Variants in CCNJL observed in about 807,000 individuals in gnomAD.
CCNJL encodes cyclin-J-like protein.
A neutral mutation model predicts 33.4 loss-of-function variants in CCNJL; 33 were observed. That is an observed-to-expected ratio of 0.99 (90% CI 0.75 to 1.32). The LOEUF is 1.32. Among genes scored for constraint, CCNJL ranks in the 40% most tolerant of loss-of-function variants. CCNJL has a pLI of 0.00. For missense variants in CCNJL, 512 were observed against 499.7 expected (o/e 1.02, Z -0.23); for synonymous variants, 227 against 220.9 (o/e 1.03, Z -0.24).
In CCNJL at chr5:160,304,184, G is replaced by T. The variant is rs12658716; in HGVS notation, c.66+7674C>A. On this transcript the variant is annotated intron_variant, in intron 2 of 5. Transcript: ENST00000257536. ...CTTGACTGGGTATCGTGCACACACT[G>T]AGCATTTTGGTATTCTAAGACCTAA... Among the ~76,000 whole-genome samples the T allele has an allele frequency of 5.3e-5, 8 of 152,258 alleles. No individual in the cohort carries two copies. The South Asian group carries it at 1.7e-3, about 32-fold the overall frequency.
chr5:160,275,909 C>A (rs1262992233), intron 3 of CCNJL, among the ~76,000 whole-genome samples: 2 of 152,164 alleles, frequency 1.3e-5, no homozygotes, highest in Non-Finnish European at 2.9e-5. Flanking sequence ...AAAATTACCA[C>A]ATGACCCATA....
intron 1 of CCNJL, among the ~76,000 whole-genome samples, chr5:160,331,707 G>T (rs773756930): frequency 2.6e-5 from 4 of 152,174 alleles, no homozygotes; most frequent in Non-Finnish European, 4.4e-5. Context: ...ACAGCTGCCT[G>T]TTCTGCACCA....
At chr5:160,323,949 G>A (rs1016512493) in intron 1 of CCNJL, among the ~76,000 whole-genome samples, 1 of 152,160 alleles carries the variant, frequency 6.6e-6, no homozygotes, top group South Asian at 2.1e-4. Flanking sequence ...GCATTCCGAC[G>A]GGGACTATCC....
chr5:160,266,969 C>T (rs769938387), intron 3 of CCNJL, among the ~76,000 whole-genome samples: 12 of 152,152 alleles, frequency 7.9e-5, no homozygotes, highest in Non-Finnish European at 1.6e-4. Flanking sequence ...GTGAGTGTTG[C>T]GTCCAAGGCC....
chr5:160,276,089 T>C (rs1466188721), intron 3 of CCNJL, among the ~76,000 whole-genome samples: 2 of 152,114 alleles, frequency 1.3e-5, no homozygotes, highest in African/African-American at 4.8e-5. Context: ...AATGGAATAT[T>C]ATTCAGTCAT....
At position 160,306,270 on chromosome 5, in the gene CCNJL, CAAA is replaced by C. The variant is rs35956418; in HGVS notation, c.66+5585_66+5587del. On this transcript the variant is annotated intron_variant, in intron 2 of 5. Coordinates refer to ENST00000257536, the MANE Select transcript of CCNJL (RefSeq NM_001308173.3). Reference sequence around the variant, plus strand: ...TGGGTGACAGAGCAAGACTCCGTCTCAAAAAAAAAAAAAAAAAAAAAAGCGGTC... The same window carrying C: ...TGGGTGACAGAGCAAGACTCCGTCTCAAAAAAAAAAAAAAAAAAAGCGGTC... 4.3e-3 allele frequency among the ~76,000 whole-genome samples: 296 copies of C among 68,882 alleles called. 2 individuals carry two copies. The highest frequency in any genetic ancestry group is 0.012 in the African/African-American group (245 of 20,310). The allele number at this position is 68,882 out of a possible 152,430, so 45.2% of individuals were successfully genotyped here.
rs562438497 is a variant in CCNJL at position 160,305,147 on chromosome 5, A to G, written c.66+6711T>C. 1.9e-3 allele frequency among the ~76,000 whole-genome samples: 294 copies of G among 152,228 alleles called. 3 individuals are homozygous for G. Among genetic ancestry groups the G allele is most frequent in the African/African-American group, 6.6e-3 (276 of 41,524 alleles). On this transcript the variant is annotated intron_variant, in intron 2 of 5. Coordinates refer to ENST00000257536, the MANE Select transcript of CCNJL (RefSeq NM_001308173.3). Reference sequence around the variant, plus strand: ...GATTTCTATAAGGAGACAGGTGTTCAGCCTTGAAGTGGGGAAATTTGAGGA... The same window carrying G: ...GATTTCTATAAGGAGACAGGTGTTCGGCCTTGAAGTGGGGAAATTTGAGGA...
intron 3 of CCNJL, among the ~76,000 whole-genome samples, chr5:160,266,942 G>A (rs372480874): frequency 2.0e-5 from 3 of 152,108 alleles, no homozygotes; most frequent in Admixed American, 6.5e-5. Flanking sequence ...CTCACAGTCC[G>A]GGAGGAAGAA....
chr5:160,257,063 TTCAG>T lies in CCNJL; in HGVS notation c.584-1359_584-1356del, dbSNP rs1761096822. Among the ~76,000 whole-genome samples the T allele has an allele frequency of 3.9e-5, 6 of 152,088 alleles. No individual in the cohort carries two copies. The South Asian group carries it at 8.3e-4, about 21-fold the overall frequency. Reference sequence around the variant, plus strand: ...GCTAACAGGGTGATACAAACGATCATTCAGTCAGACTCCCAAGGTTCAAATCCTA... The same window carrying T: ...GCTAACAGGGTGATACAAACGATCATTCAGACTCCCAAGGTTCAAATCCTA... On this transcript the variant is annotated intron_variant, in intron 4 of 5. Coordinates refer to ENST00000257536, the MANE Select transcript of CCNJL (RefSeq NM_001308173.3).
rs149680714 is a variant in CCNJL at position 160,333,089 on chromosome 5, G to C, written n.206+6356C>G. On this transcript the variant is annotated intron_variant and non_coding_transcript_variant, in intron 1 of 7. Transcript: ENST00000377503. Reference sequence around the variant, plus strand: ...TGCTTGAGCTCAGGAGTTTGAGACTGGCCTGGCCAACATATGACTACCCAG... The same window carrying C: ...TGCTTGAGCTCAGGAGTTTGAGACTCGCCTGGCCAACATATGACTACCCAG... Among the ~76,000 whole-genome samples the C allele has an allele frequency of 3.8e-4, 58 of 151,956 alleles. No individual in the cohort carries two copies. In the East Asian group the frequency reaches 0.011, roughly 28 times the overall value.
intron 3 of CCNJL, among the ~76,000 whole-genome samples, chr5:160,272,398 G>T (rs1280800268): frequency 6.6e-6 from 1 of 152,182 alleles, no homozygotes; most frequent in African/African-American, 2.4e-5. Context: ...ATAGCTTTTA[G>T]TGGTATCTGC....
chr5:160,302,657 C>T (rs1762959026), intron 2 of CCNJL, among the ~76,000 whole-genome samples: 1 of 151,856 alleles, frequency 6.6e-6, no homozygotes, highest in South Asian at 2.1e-4. Flanking sequence ...ACTAAAAATA[C>T]AAAAATTAGC....
At chr5:160,265,415 A>G (rs1436219998) in intron 3 of CCNJL, among the ~76,000 whole-genome samples, 1 of 152,144 alleles carries the variant, frequency 6.6e-6, no homozygotes, top group Non-Finnish European at 1.5e-5. Flanking sequence ...AAGCAGGCGG[A>G]TCACGAGGTC....
At chr5:160,260,421 C>T (rs533538419) in intron 3 of CCNJL, among the ~76,000 whole-genome samples, 6 of 152,236 alleles carry the variant, frequency 3.9e-5, no homozygotes, top group South Asian at 2.1e-4. Context: ...AGGACACAAG[C>T]GAGTCACCAC....
chr5:160,339,410 C>T (rs755627734), intron 1 of CCNJL: 4 of 393,784 alleles, frequency 1.0e-5, no homozygotes, highest in South Asian at 7.6e-5. Context: ...CATCCAAACA[C>T]GTTCTTCAAT....
At chr5:160,309,076 T>G (rs191813227) in intron 2 of CCNJL, among the ~76,000 whole-genome samples, 3 of 152,308 alleles carry the variant, frequency 2.0e-5, no homozygotes, top group Admixed American at 2.0e-4. Context: ...CAGGCTATGC[T>G]GGGTATTCCA....
chr5:160,258,883 G>C (rs948441391), intron 4 of CCNJL, among the ~76,000 whole-genome samples: 9 of 152,146 alleles, frequency 5.9e-5, no homozygotes, highest in African/African-American at 2.2e-4. Flanking sequence ...TTTTAGTAGA[G>C]ACAGGGTTTC....
At chr5:160,293,953 C>T (rs1254644081) in intron 2 of CCNJL, among the ~76,000 whole-genome samples, 1 of 152,140 alleles carries the variant, frequency 6.6e-6, no homozygotes, top group Non-Finnish European at 1.5e-5. Context: ...AATCTCCCTA[C>T]CATGCCTATC....
intron 3 of CCNJL, chr5:160,275,007 A>G (rs1362646347): frequency 6.6e-6 from 1 of 152,036 alleles, no homozygotes; most frequent in African/African-American, 2.4e-5. Context: ...GGTGTAATCT[A>G]TGATTCATTT....
Sources: gnomAD v4.1 joint callset for allele counts (sites outside exome capture counted in the v4.1 genomes callset) on GRCh38, gnomAD v4.1.1 for gene constraint, MANE v1.5 for transcripts, NCBI Gene and HGNC (gene_info 2026-07-23, HGNC 2026-07-21) for gene names.